Variants in IL1RAPL2 observed in about 807,000 individuals in gnomAD.
IL1RAPL2 encodes the protein interleukin 1 receptor accessory protein like 2.
A neutral mutation model predicts 44.1 loss-of-function variants in IL1RAPL2; 3 were observed. The ratio of observed to expected loss-of-function variants is 0.07; its 90% confidence interval spans 0.03 to 0.18. The LOEUF is 0.18. Ranked by LOEUF, IL1RAPL2 falls within the 10% of genes least tolerant of loss-of-function variation. The probability of loss-of-function intolerance (pLI) is 1.00; values close to 1 mark genes in which losing one functional copy is unlikely to be tolerated. For missense variants in IL1RAPL2, 391 were observed against 496.4 expected (o/e 0.79, Z 2.02); for synonymous variants, 181 against 178.8 (o/e 1.01, Z -0.10).
intron 2 of IL1RAPL2, among the ~76,000 whole-genome samples, chrX:104,767,681 T>C (rs760613234): frequency 7.1e-5 from 8 of 112,215 alleles, no homozygotes; most frequent in Non-Finnish European, 1.3e-4. Context: ...AGCATAATGG[T>C]ACCCATAGTA....
Position 105,038,669 on chromosome X carries a change from A to G in IL1RAPL2, c.83-156806A>G, listed in dbSNP as rs778384184. On this transcript the variant is annotated intron_variant, in intron 2 of 10. Transcript: ENST00000372582. ...CTATGTAATAAGCATAATACCCTAT[A>G]GATTATTTTTTGATCCTCACCTTCT... 2.8e-3 allele frequency among the ~76,000 whole-genome samples: 306 copies of G among 110,999 alleles called. 1 individual carries two copies. Among genetic ancestry groups the G allele is most frequent in the African/African-American group, 9.6e-3 (292 of 30,540 alleles).
chrX:105,713,004 A>G (rs1321420949), intron 6 of IL1RAPL2, among the ~76,000 whole-genome samples: 1 of 112,290 alleles, frequency 8.9e-6, no homozygotes, highest in Non-Finnish European at 1.9e-5. Flanking sequence ...TCCATGTCTC[A>G]CATCCAGAGC....
At position 105,506,725 on chromosome X, in the gene IL1RAPL2, C is replaced by T. The variant is rs1049982041; in HGVS notation, c.772+22338C>T. Among the ~76,000 whole-genome samples, 6 of 111,635 alleles carry T rather than the reference C, an allele frequency of 5.4e-5. No homozygotes were observed. In the Admixed American group the frequency reaches 5.7e-4, roughly 11 times the overall value. ...CACCATGGAAAAGTCTGAAAGGAGACGGAGATTATAAGTCGTAAGATCAAA... is the reference window on the plus strand; with the variant it reads ...CACCATGGAAAAGTCTGAAAGGAGATGGAGATTATAAGTCGTAAGATCAAA... On this transcript the variant is annotated intron_variant, in intron 6 of 10. Transcript: ENST00000372582.
intron 2 of IL1RAPL2, among the ~76,000 whole-genome samples, chrX:105,076,358 T>C (rs1024966369): frequency 5.4e-5 from 6 of 111,710 alleles, no homozygotes; most frequent in Non-Finnish European, 1.1e-4. Flanking sequence ...TGGTTTTGAG[T>C]GAGTTTCTTA....
chrX:105,514,570 T>C (rs892843874), intron 6 of IL1RAPL2, among the ~76,000 whole-genome samples: 7 of 112,604 alleles, frequency 6.2e-5, no homozygotes, highest in Admixed American at 9.4e-5. Flanking sequence ...GACTGTTATT[T>C]ATAAATAAGC....
chrX:105,284,818 G>T (rs1007287331), intron 5 of IL1RAPL2, among the ~76,000 whole-genome samples: 5 of 111,374 alleles, frequency 4.5e-5, no homozygotes, highest in African/African-American at 1.6e-4. Context: ...TAAGATTCAT[G>T]CATTTCTCAA....
intron 5 of IL1RAPL2, among the ~76,000 whole-genome samples, chrX:105,433,540 G>A (rs2035861973): frequency 9.0e-6 from 1 of 111,374 alleles, no homozygotes; most frequent in Non-Finnish European, 1.9e-5. Context: ...ATTTACTTAT[G>A]TGAGCTTAAT....
At chrX:104,731,262 C>T (rs1931911753) in intron 2 of IL1RAPL2, among the ~76,000 whole-genome samples, 1 of 109,526 alleles carries the variant, frequency 9.1e-6, no homozygotes, top group Admixed American at 9.8e-5. Flanking sequence ...GTTGCCATTG[C>T]TTTTGGTGTT....
chrX:105,007,445 G>C (rs765143717), intron 2 of IL1RAPL2, among the ~76,000 whole-genome samples: 4 of 111,538 alleles, frequency 3.6e-5, no homozygotes, highest in South Asian at 3.7e-4. Flanking sequence ...TAGGCCAGCT[G>C]TATCTACAAC....
At chrX:105,348,365 C>G (rs757019205) in intron 5 of IL1RAPL2, among the ~76,000 whole-genome samples, 7 of 111,581 alleles carry the variant, frequency 6.3e-5, no homozygotes, top group Non-Finnish European at 1.3e-4. Context: ...TGACTTTAAC[C>G]TCTCCATTTT....
intron 6 of IL1RAPL2, among the ~76,000 whole-genome samples, chrX:105,709,274 G>C (rs373612190): frequency 8.9e-6 from 1 of 111,910 alleles, no homozygotes; most frequent in East Asian, 2.8e-4. Context: ...GTAAACAGAG[G>C]TTAAGGGATA....
intron 2 of IL1RAPL2, among the ~76,000 whole-genome samples, chrX:105,158,072 T>A (rs1002566481): frequency 9.0e-6 from 1 of 111,588 alleles, no homozygotes; most frequent in Non-Finnish European, 1.9e-5. Context: ...CCAGGCGCCG[T>A]GGCTCACGCC....
intron 5 of IL1RAPL2, among the ~76,000 whole-genome samples, chrX:105,398,949 T>C (rs1187448812): frequency 9.0e-6 from 1 of 111,608 alleles, no homozygotes; most frequent in Non-Finnish European, 1.9e-5. Flanking sequence ...ACAGAAACAT[T>C]TTGTCCTCTA....
chrX:104,761,624 G>A (rs1318483131), intron 2 of IL1RAPL2, among the ~76,000 whole-genome samples: 2 of 111,643 alleles, frequency 1.8e-5, no homozygotes, highest in Admixed American at 9.4e-5. Flanking sequence ...TCTGACACAA[G>A]GCAAGTCCCT....
intron 5 of IL1RAPL2, among the ~76,000 whole-genome samples, chrX:105,409,807 TATAGATAGATAGATAG>T (rs764698139): frequency 1.1e-5 from 1 of 89,417 alleles, no homozygotes; most frequent in African/African-American, 4.5e-5. Context: ...GGCTTTGATT[TATAGATAGATAGATAG>T]ATAGATAGAT....
intron 6 of IL1RAPL2, among the ~76,000 whole-genome samples, chrX:105,598,847 A>G (rs762062593): frequency 8.9e-6 from 1 of 112,377 alleles, no homozygotes; most frequent in East Asian, 2.8e-4. Context: ...CTTTGAACTT[A>G]TTATGGACAA....
At chrX:105,268,661 A>G (rs754018400) in intron 5 of IL1RAPL2, among the ~76,000 whole-genome samples, 57 of 110,532 alleles carry the variant, frequency 5.2e-4, no homozygotes, top group African/African-American at 1.8e-3. Context: ...CCCAGCTACT[A>G]GGGAGGCTGA....
At chrX:105,553,485 T>C (rs2036873610) in intron 6 of IL1RAPL2, among the ~76,000 whole-genome samples, 1 of 111,947 alleles carries the variant, frequency 8.9e-6, no homozygotes, top group Admixed American at 9.5e-5. Flanking sequence ...TTTTTTAAAG[T>C]TATGTATTTT....
At chrX:105,091,707 ATATT>A (rs1267880494) in intron 2 of IL1RAPL2, among the ~76,000 whole-genome samples, 2 of 111,720 alleles carry the variant, frequency 1.8e-5, no homozygotes, top group Non-Finnish European at 3.8e-5. Flanking sequence ...TTGTATTTTG[ATATT>A]TATTTGTTTA....
Sources: gnomAD v4.1 joint callset for allele counts (sites outside exome capture counted in the v4.1 genomes callset) on GRCh38, gnomAD v4.1.1 for gene constraint, MANE v1.5 for transcripts, NCBI Gene and HGNC (gene_info 2026-07-23, HGNC 2026-07-21) for gene names.